Variants in ANTXR2 observed in about 807,000 individuals in gnomAD.
The protein encoded by ANTXR2 is anthrax toxin receptor 2.
A neutral mutation model predicts 73.7 loss-of-function variants in ANTXR2; 44 were observed. The observed-to-expected ratio is 0.60, with a 90% CI of 0.47 to 0.77. ANTXR2 has a LOEUF of 0.77. Ranked by LOEUF, ANTXR2 falls within the 30% of genes least tolerant of loss-of-function variation. The pLI, the probability that ANTXR2 is intolerant of heterozygous loss-of-function variation, is 0.00. For synonymous variants in ANTXR2, 217 were observed against 205.9 expected (o/e 1.05, Z -0.46); for missense variants, 604 against 592.5 (o/e 1.02, Z -0.20).
At chr4:80,000,797 A>C (rs1192215785) in intron 12 of ANTXR2, among the ~76,000 whole-genome samples, 2 of 152,092 alleles carry the variant, frequency 1.3e-5, no homozygotes, top group African/African-American at 2.4e-5. Flanking sequence ...AGACACAGTA[A>C]TTAGTCAAAT....
intron 8 of ANTXR2, 143 bp from the exon 9 acceptor site, chr4:80,033,713 T>C: frequency 3.2e-6 from 2 of 624,710 alleles, no homozygotes. Context: ...GACATAGCTC[T>C]ATATTTCCAA....
At chr4:80,024,385 A>G (rs997979039) in intron 10 of ANTXR2, among the ~76,000 whole-genome samples, 1 of 152,228 alleles carries the variant, frequency 6.6e-6, no homozygotes, top group Non-Finnish European at 1.5e-5. Context: ...AGATCTTGCC[A>G]GGAAATTTGG....
intron 16 of ANTXR2, among the ~76,000 whole-genome samples, chr4:79,929,492 A>G (rs977030857): frequency 1.2e-4 from 19 of 152,202 alleles, no homozygotes; most frequent in African/African-American, 4.3e-4. Flanking sequence ...AGGCTGGGCA[A>G]CAGAGCGAGA....
At chr4:79,958,384 TAA>T (rs1345237408) in intron 16 of ANTXR2, among the ~76,000 whole-genome samples, 4 of 152,144 alleles carry the variant, frequency 2.6e-5, no homozygotes, top group African/African-American at 2.4e-5. Context: ...TCTTATCTCA[TAA>T]AAGAGTATCT....
At chr4:80,002,496 A>G (rs1731095444) in intron 12 of ANTXR2, among the ~76,000 whole-genome samples, 5 of 152,292 alleles carry the variant, frequency 3.3e-5, no homozygotes, top group South Asian at 4.1e-4. Flanking sequence ...GGACATAGGC[A>G]TGGGCAAGGA....
chr4:80,021,265 G>C (rs1464761610), intron 10 of ANTXR2, among the ~76,000 whole-genome samples: 1 of 151,296 alleles, frequency 6.6e-6, no homozygotes, highest in African/African-American at 2.4e-5. Flanking sequence ...AGAAGGCCAA[G>C]TGGCGTATTA....
At chr4:80,021,268 G>A (rs1187043801) in intron 10 of ANTXR2, among the ~76,000 whole-genome samples, 3 of 151,882 alleles carry the variant, frequency 2.0e-5, no homozygotes, top group South Asian at 4.2e-4. Context: ...AGGCCAAGTG[G>A]CGTATTAAGA....
intron 16 of ANTXR2, among the ~76,000 whole-genome samples, chr4:79,961,030 T>A (rs1729120561): frequency 6.6e-6 from 1 of 152,064 alleles, no homozygotes; most frequent in African/African-American, 2.4e-5. Flanking sequence ...AACTTATAAA[T>A]GGGGTTCTGG....
At chr4:79,936,252 C>A (rs1204990640) in intron 16 of ANTXR2, among the ~76,000 whole-genome samples, 1 of 152,152 alleles carries the variant, frequency 6.6e-6, no homozygotes, top group African/African-American at 2.4e-5. Flanking sequence ...TTCTTATTTG[C>A]AGAATATTTA....
At chr4:79,951,532 C>T (rs549916230) in intron 16 of ANTXR2, among the ~76,000 whole-genome samples, 2 of 151,802 alleles carry the variant, frequency 1.3e-5, no homozygotes, top group Non-Finnish European at 2.9e-5. Context: ...GCCAAGATAG[C>T]GCCACTGCAT....
intron 16 of ANTXR2, among the ~76,000 whole-genome samples, chr4:79,913,479 G>A (rs1463101387): frequency 6.6e-6 from 1 of 152,110 alleles, no homozygotes; most frequent in Admixed American, 6.6e-5. Flanking sequence ...CATGTCCTGT[G>A]CATGCTGGAG....
intron 11 of ANTXR2, among the ~76,000 whole-genome samples, chr4:80,010,583 G>A (rs772553303): frequency 1.2e-4 from 19 of 152,130 alleles, no homozygotes; most frequent in Non-Finnish European, 2.1e-4. Context: ...TCAGAAATAA[G>A]GACATGCAAC....
At chr4:80,011,687 A>G (rs1002642888) in intron 11 of ANTXR2, among the ~76,000 whole-genome samples, 1 of 152,212 alleles carries the variant, frequency 6.6e-6, no homozygotes, top group Non-Finnish European at 1.5e-5. Context: ...GTATCTGATT[A>G]CGGGACTGAA....
intron 16 of ANTXR2, among the ~76,000 whole-genome samples, chr4:79,949,325 A>T (rs1278810210): frequency 6.6e-6 from 1 of 152,170 alleles, no homozygotes; most frequent in Non-Finnish European, 1.5e-5. Context: ...CAAGACATTG[A>T]ACACTAAACA....
intron 16 of ANTXR2, among the ~76,000 whole-genome samples, chr4:79,927,270 G>A (rs1727856746): frequency 7.1e-6 from 1 of 141,530 alleles, no homozygotes; most frequent in Non-Finnish European, 1.5e-5. Flanking sequence ...AATTAGCAAA[G>A]AGAGTAGATT....
At chr4:80,016,096 A>T (rs1731856605) in intron 11 of ANTXR2, among the ~76,000 whole-genome samples, 1 of 152,206 alleles carries the variant, frequency 6.6e-6, no homozygotes, top group African/African-American at 2.4e-5. Context: ...TTAAAATAAA[A>T]GAATTCTTTC....
At chr4:80,051,389 A>G (rs2110104073) in intron 7 of ANTXR2, among the ~76,000 whole-genome samples, 2 of 151,894 alleles carry the variant, frequency 1.3e-5, no homozygotes, top group Middle Eastern at 3.4e-3. Flanking sequence ...TCTTCTAATC[A>G]TAACACAATG....
chr4:79,983,857 A>G (rs1729989602), intron 14 of ANTXR2, 21 bp downstream of exon 14: 1 of 1,528,778 alleles, frequency 6.5e-7, no homozygotes, highest in Non-Finnish European at 9.0e-7. Flanking sequence ...AGCAGCTTCT[A>G]TTTTTTTTTA....
chr4:80,070,884 G>GA (rs965461061), intron 2 of ANTXR2, among the ~76,000 whole-genome samples: 8 of 149,210 alleles, frequency 5.4e-5, no homozygotes, highest in Non-Finnish European at 7.4e-5. Flanking sequence ...AAAAAAGAAG[G>GA]AAAAAAAAAG....
Sources: allele counts gnomAD v4.1 joint callset (sites outside exome capture counted in the v4.1 genomes callset), GRCh38; gene constraint gnomAD v4.1.1; transcripts MANE v1.5; gene names NCBI Gene and HGNC (gene_info 2026-07-23, HGNC 2026-07-21).